MAP3K20: variants seen among roughly 807,000 people sequenced by gnomAD.
The protein encoded by MAP3K20 is mitogen-activated protein kinase kinase kinase 20, also known as HCCS-4.
A neutral mutation model predicts 85.7 loss-of-function variants in MAP3K20; 40 were observed. The ratio of observed to expected loss-of-function variants is 0.47; its 90% CI spans 0.36 to 0.61. The LOEUF is 0.61. Among genes scored for constraint, MAP3K20 ranks in the 20% least tolerant of loss-of-function variants. The probability of loss-of-function intolerance (pLI) is 0.00; values close to 1 mark genes in which losing one functional copy is unlikely to be tolerated. For synonymous variants in MAP3K20, 325 were observed against 327.7 expected, an observed-to-expected ratio of 0.99 and a Z score of 0.09; for missense variants, 817 against 961.7, an observed-to-expected ratio of 0.85 and a Z score of 1.99.
intron 2 of MAP3K20, among the ~76,000 whole-genome samples, chr2:173,132,959 T>G (rs575220393): frequency 6.6e-6 from 1 of 152,338 alleles, no homozygotes; most frequent in South Asian, 2.1e-4. Flanking sequence ...CAACAGTACT[T>G]TACATACAGT....
chr2:173,075,959 C>T lies in MAP3K20; in HGVS notation c.-78C>T. On this transcript the variant is annotated 5_prime_UTR_variant, in exon 1 of 20. Coordinates refer to ENST00000375213, the MANE Select transcript of MAP3K20 (RefSeq NM_016653.3). ...CCCGCCGCCCTCGTCGCGCGCGGGGCCTCCGCGCCCCCGGCTGCTGCTCAC... is the reference window on the plus strand; with the variant it reads ...CCCGCCGCCCTCGTCGCGCGCGGGGTCTCCGCGCCCCCGGCTGCTGCTCAC... 4.1e-6 allele frequency: 4 copies of T among 985,138 alleles called. No homozygotes were observed. Among genetic ancestry groups the T allele is most frequent in the Non-Finnish European group, 4.8e-6 (4 of 829,898 alleles). 61.0% of individuals were successfully genotyped at this position (985,138 alleles called of 1,614,324 possible). A position where few individuals can be genotyped will look rare whatever the true frequency, so the allele number is the denominator to read the frequency against.
chr2:173,085,237 A>ATTTTTTTTT (rs1687114487), intron 1 of MAP3K20, among the ~76,000 whole-genome samples: 1 of 152,156 alleles, frequency 6.6e-6, no homozygotes, highest in African/African-American at 2.4e-5. Context: ...TTTGTTTTTA[A>ATTTTTTTTT]TTTGGGGCAA....
chr2:173,227,600 A>C (rs1421531075), intron 11 of MAP3K20, among the ~76,000 whole-genome samples: 1 of 152,184 alleles, frequency 6.6e-6, no homozygotes, highest in African/African-American at 2.4e-5. Flanking sequence ...GTATTGGAGA[A>C]CCATCCTCAG....
chr2:173,180,399 G>T (rs1001420371), intron 3 of MAP3K20, among the ~76,000 whole-genome samples: 2 of 152,174 alleles, frequency 1.3e-5, no homozygotes, highest in Admixed American at 6.5e-5. Flanking sequence ...AGGGCCGGGT[G>T]TGGTGGCTCA....
At chr2:173,238,111 A>G (rs1390708673) in intron 14 of MAP3K20, among the ~76,000 whole-genome samples, 3 of 152,232 alleles carry the variant, frequency 2.0e-5, no homozygotes, top group African/African-American at 7.2e-5. Context: ...TGATAGCATT[A>G]CTGCACTCCA....
chr2:173,173,621 T>A (rs909025001), intron 3 of MAP3K20, among the ~76,000 whole-genome samples: 4 of 152,214 alleles, frequency 2.6e-5, no homozygotes, highest in Non-Finnish European at 5.9e-5. Context: ...ATACATCTAA[T>A]TTGCATGTTT....
chr2:173,218,884 G>A (rs748298443), intron 11 of MAP3K20, among the ~76,000 whole-genome samples: 2 of 152,094 alleles, frequency 1.3e-5, no homozygotes, highest in African/African-American at 2.4e-5. Context: ...CTGTGTGCTC[G>A]GTAGGTTGCC....
intron 12 of MAP3K20, among the ~76,000 whole-genome samples, chr2:173,230,336 C>G (rs1424290327): frequency 6.6e-6 from 1 of 152,204 alleles, no homozygotes; most frequent in East Asian, 1.9e-4. Context: ...GATATTAAAT[C>G]TTTTTACAAG....
At chr2:173,197,887 T>G in intron 7 of MAP3K20, 139 bp from the exon 8 acceptor site, 1 of 529,664 alleles carries the variant, frequency 1.9e-6, no homozygotes, top group Non-Finnish European at 3.2e-6. Flanking sequence ...GTGTGCTTAA[T>G]TGTTTTGCCC....
chr2:173,243,838 G>C (rs945223423), intron 16 of MAP3K20, among the ~76,000 whole-genome samples: 4 of 152,270 alleles, frequency 2.6e-5, no homozygotes, highest in African/African-American at 4.8e-5. Flanking sequence ...TTAGTAGCCA[G>C]GATGGTCTCG....
chr2:173,230,738 G>A (rs1305742904), intron 12 of MAP3K20, among the ~76,000 whole-genome samples: 1 of 152,156 alleles, frequency 6.6e-6, no homozygotes. Context: ...ACGGTGGCCT[G>A]TAATCCCAGC....
At chr2:173,141,765 C>T (rs1230195619) in intron 2 of MAP3K20, among the ~76,000 whole-genome samples, 3 of 152,106 alleles carry the variant, frequency 2.0e-5, no homozygotes, top group Non-Finnish European at 4.4e-5. Flanking sequence ...AGAAACACCA[C>T]ACTCAGTCAC....
intron 4 of MAP3K20, among the ~76,000 whole-genome samples, chr2:173,186,264 A>T (rs751821837): frequency 1.3e-5 from 2 of 152,108 alleles, no homozygotes; most frequent in Non-Finnish European, 2.9e-5. Context: ...ATTATTCAGG[A>T]ATTTGATTCT....
At chr2:173,152,229 T>C (rs1689328587) in intron 2 of MAP3K20, among the ~76,000 whole-genome samples, 1 of 152,236 alleles carries the variant, frequency 6.6e-6, no homozygotes, top group Non-Finnish European at 1.5e-5. Context: ...TGTAGATTGG[T>C]ATATTGCATC....
intron 1 of MAP3K20, among the ~76,000 whole-genome samples, chr2:173,081,814 C>T (rs188983561): frequency 9.2e-5 from 14 of 152,058 alleles, no homozygotes; most frequent in Admixed American, 5.2e-4. Flanking sequence ...GGAGGGAGAC[C>T]GTCTATACTT....
intron 1 of MAP3K20, among the ~76,000 whole-genome samples, chr2:173,083,260 T>C (rs1292387690): frequency 1.3e-5 from 2 of 152,228 alleles, no homozygotes; most frequent in Non-Finnish European, 1.5e-5. Flanking sequence ...ACTATTTTTC[T>C]AGGAGCAGCC....
intron 10 of MAP3K20, among the ~76,000 whole-genome samples, chr2:173,215,287 C>CT (rs1348252707): frequency 6.6e-6 from 1 of 152,256 alleles, no homozygotes; most frequent in Non-Finnish European, 1.5e-5. Flanking sequence ...GCTCCACCAC[C>CT]TCCTTGCTGC....
intron 3 of MAP3K20, among the ~76,000 whole-genome samples, chr2:173,181,497 C>T (rs549544085): frequency 2.0e-5 from 3 of 152,130 alleles, no homozygotes; most frequent in Non-Finnish European, 4.4e-5. Context: ...AAAAGTTAGA[C>T]ATAAACTTAC....
At chr2:173,206,924 T>C (rs2106298281) in intron 9 of MAP3K20, among the ~76,000 whole-genome samples, 1 of 86,738 alleles carries the variant, frequency 1.2e-5, no homozygotes, top group Non-Finnish European at 3.1e-5. Context: ...AGCAATAAAG[T>C]ACTTTCTTTT....
Sources: gnomAD v4.1 joint callset for allele counts (sites outside exome capture counted in the v4.1 genomes callset) on GRCh38, gnomAD v4.1.1 for gene constraint, MANE v1.5 for transcripts, NCBI Gene and HGNC (gene_info 2026-07-23, HGNC 2026-07-21) for gene names.